The following MGAM variants were observed in gnomAD, a reference collection of about 807,000 sequenced individuals.
MGAM encodes the protein maltase-glucoamylase.
MGAM carries 253 observed loss-of-function variants against 358.8 expected under a neutral mutation model. The observed-to-expected ratio is 0.71, with a 90% confidence interval of 0.64 to 0.78. The LOEUF (loss-of-function observed/expected upper bound fraction) is 0.78, where lower values mean the gene tolerates loss of function less well. Among genes scored for constraint, MGAM ranks in the 30% least tolerant of loss-of-function variants. The probability of loss-of-function intolerance (pLI) is 0.00; values close to 1 mark genes in which losing one functional copy is unlikely to be tolerated. For synonymous variants in MGAM, 1,105 were observed against 1,227.1 expected (o/e 0.90, Z 2.08); for missense variants, 3,080 against 3,432.6 (o/e 0.90, Z 2.57).
chr7:142,059,310 G>A (rs1350762963), intron 31 of MGAM, among the ~76,000 whole-genome samples, 162 bp from the exon 32 acceptor site: 1 of 152,124 alleles, frequency 6.6e-6, no homozygotes, highest in African/African-American at 2.4e-5. Context: ...TAAAAATTAA[G>A]TGTATTTCCC....
intron 21 of MGAM, among the ~76,000 whole-genome samples, chr7:142,045,906 A>G (rs1208993095): frequency 1.1e-5 from 1 of 88,414 alleles, no homozygotes; most frequent in African/African-American, 4.0e-5. Context: ...TATACATACA[A>G]TATGTAATAT....
chr7:142,033,229 A>T (rs1554464473), intron 14 of MGAM, among the ~76,000 whole-genome samples: 1 of 152,200 alleles, frequency 6.6e-6, no homozygotes, highest in Non-Finnish European at 1.5e-5. Flanking sequence ...ATGCACCCAC[A>T]GGCCAGGGTT....
At chr7:142,017,940 T>C (rs533300416) in intron 3 of MGAM, among the ~76,000 whole-genome samples, 2 of 152,346 alleles carry the variant, frequency 1.3e-5, no homozygotes, top group South Asian at 2.1e-4. Context: ...GCCTTCTCAA[T>C]AGCTGAGTAA....
rs776774087 is a variant in MGAM at position 142,054,783 on chromosome 7, A to G, written c.3189A>G (p.Glu1063=). The G allele has an allele frequency of 6.2e-7, 1 of 1,613,890 alleles. No homozygotes were observed. Among genetic ancestry groups the G allele is most frequent in the East Asian group, 2.2e-5 (1 of 44,880 alleles). ...ATGATCCCAACAAGAATCGGTATGA[A>G]GTTCCAGTCCCTCTGAACATACCCA... ...KIYDPNKNRY[E]VPVPLNIPSM... is the part of the protein sequence containing the mutation. The change falls in exon 27 of 71, where the codon GAA becomes GAG. Residue 1063 remains glutamate (E), a synonymous_variant. Coordinates refer to ENST00000475668, the MANE Select transcript of MGAM (RefSeq NM_001365693.1).
chr7:142,034,703 C>T lies in MGAM; in HGVS notation c.1821C>T (p.Ser607=). The change falls in exon 16 of 71, where the codon AGC becomes AGT. Residue 607 remains serine, a synonymous_variant. Coordinates refer to ENST00000475668, the MANE Select transcript of MGAM (RefSeq NM_001365693.1). ...AGACTGTGTTCCCTAATAAGAGAAG[C>T]TTCATTCTGACCCGTTCTACCTTTG... The part of the protein sequence containing the change: ...AAKTVFPNKR[S]FILTRSTFAG... The T allele has an allele frequency of 1.2e-6, 2 of 1,613,534 alleles. No homozygotes were observed. Among genetic ancestry groups the T allele is most frequent in the Non-Finnish European group, 1.7e-6 (2 of 1,179,622 alleles).
intron 9 of MGAM, 56 bp downstream of exon 9, chr7:142,027,283 A>T (rs1028114843): frequency 2.9e-6 from 4 of 1,380,608 alleles, no homozygotes; most frequent in Non-Finnish European, 4.1e-6. Context: ...CAAATATTTT[A>T]AAAAAGTAAA....
rs745567095 is a variant in MGAM, at chr7:142,040,804, A to G, written c.2456A>G (p.Tyr819Cys). 2.9e-5 allele frequency: 46 copies of G among 1,613,098 alleles called. No individual in the cohort carries two copies. The South Asian group carries it at 4.9e-4, about 17-fold the overall frequency. ...DKIGLHLRGGYIFPTQQPNTT... is the reference protein window; with the variant it reads ...DKIGLHLRGGCIFPTQQPNTT... Reference sequence around the variant, plus strand: ...ATTGGACTTCACCTTCGAGGAGGCTACATCTTCCCCACACAGCAGCCAAAT... The same window carrying G: ...ATTGGACTTCACCTTCGAGGAGGCTGCATCTTCCCCACACAGCAGCCAAAT... Residue 819 changes from tyrosine (Y) to cysteine (C), a missense_variant, in exon 21 of 71, where the codon TAC (tyrosine) becomes TGC (cysteine). Physicochemically the swap from Tyr to Cys is radical, Grantham distance 194. This residue lies in a region of MGAM where 1,816 missense variants were observed against 1,840.5 expected (regional missense o/e 0.99). Coordinates refer to ENST00000475668, the MANE Select transcript of MGAM (RefSeq NM_001365693.1).
At chr7:142,035,889 G>A (rs1053200751) in intron 16 of MGAM, among the ~76,000 whole-genome samples, 1 of 152,130 alleles carries the variant, frequency 6.6e-6, no homozygotes, top group Non-Finnish European at 1.5e-5. Context: ...TTTATGTAAA[G>A]TGTATTACTT....
At chr7:142,086,815 G>T in intron 57 of MGAM, 98 bp downstream of exon 57, 1 of 581,586 alleles carries the variant, frequency 1.7e-6, no homozygotes, top group South Asian at 2.3e-5. Flanking sequence ...ACATGGGCTT[G>T]GCAAGGGAGA....
intron 18 of MGAM, among the ~76,000 whole-genome samples, chr7:142,037,786 C>T (rs2129009125): frequency 6.6e-6 from 1 of 152,046 alleles, no homozygotes; most frequent in East Asian, 1.9e-4. Context: ...ATAGTAGTTG[C>T]ATATATTTAT....
chr7:142,095,481 A>C (rs3936103), intron 63 of MGAM, 84 bp from the exon 64 acceptor site: 750,203 of 1,579,224 alleles, frequency 0.48, 184,495 homozygotes, highest in East Asian at 0.62. Context: ...AGTGATCTTC[A>C]ATTGGAGTAT....
At chr7:142,054,468 A>T (rs1464010099) in intron 26 of MGAM, among the ~76,000 whole-genome samples, 4 of 152,178 alleles carry the variant, frequency 2.6e-5, no homozygotes, top group Non-Finnish European at 4.4e-5. Context: ...CACAGAAAAT[A>T]ACAAGTAACA....
intron 21 of MGAM, among the ~76,000 whole-genome samples, chr7:142,044,013 A>G (rs1322526548): frequency 1.5e-5 from 2 of 134,904 alleles, no homozygotes; most frequent in East Asian, 4.2e-4. Context: ...GACGTATAAT[A>G]TATACATTAT....
chr7:142,045,882 A>G lies in MGAM; in HGVS notation c.2499-1903A>G, dbSNP rs1275828953. ...ATATTATATATACATACAATATGTA[A>G]TATATATATTATGTATACATACAAT... On this transcript the variant is annotated intron_variant, in intron 21 of 70. Coordinates refer to ENST00000475668, the MANE Select transcript of MGAM (RefSeq NM_001365693.1). 1.8e-5 allele frequency among the ~76,000 whole-genome samples: 2 copies of G among 108,876 alleles called. 1 individual carries two copies. Among genetic ancestry groups the G allele is most frequent in the Non-Finnish European group, 3.5e-5 (2 of 57,824 alleles). 71.4% of individuals were successfully genotyped at this position (108,876 alleles called of 152,430 possible).
At chr7:142,038,482 C>G (rs1009305999) in intron 18 of MGAM, 49 bp from the exon 19 acceptor site, 2 of 1,408,878 alleles carry the variant, frequency 1.4e-6, no homozygotes, top group Non-Finnish European at 9.8e-7. Flanking sequence ...TGCTACAAAT[C>G]TCATTGGCAG....
In MGAM at chr7:142,018,764, A is replaced by G. The variant is rs979715560; in HGVS notation, c.328-435A>G. 1.7e-4 allele frequency among the ~76,000 whole-genome samples: 26 copies of G among 152,340 alleles called. 1 individual carries two copies. In the South Asian group the frequency reaches 3.9e-3, roughly 23 times the overall value. ...TAATCCATATAAATGTAAGGCATAT[A>G]TTTAAAAGTCAAAACAACATTAGTT... On this transcript the variant is annotated intron_variant, in intron 3 of 70. Coordinates refer to ENST00000475668, the MANE Select transcript of MGAM (RefSeq NM_001365693.1).
chr7:142,103,187 C>T (rs1585120518), intron 69 of MGAM, 82 bp from the exon 70 acceptor site: 1 of 1,153,254 alleles, frequency 8.7e-7, no homozygotes, highest in Non-Finnish European at 1.2e-6. Context: ...TACTTTATGA[C>T]CTACATTTGT....
rs781881177 is a variant in MGAM, at chr7:142,024,413, GGAA to G, written c.883-636_883-634del. Among the ~76,000 whole-genome samples, 9 of 85,004 alleles carry G rather than the reference GGAA, an allele frequency of 1.1e-4. No homozygotes were observed. The East Asian group carries it at 3.0e-3, about 29-fold the overall frequency. The allele number at this position is 85,004 out of a possible 152,430, so 55.8% of individuals were successfully genotyped here. A position where few individuals can be genotyped will look rare whatever the true frequency, so the allele number is the denominator to read the frequency against. On this transcript the variant is annotated intron_variant, in intron 7 of 70. Transcript: ENST00000475668. ...TGGGCGACAGAGTGAGACCCTGTCTGGAAAAAAAAAAAAAAAAATCTGCATTTA... is the reference window on the plus strand; with the variant it reads ...TGGGCGACAGAGTGAGACCCTGTCTGAAAAAAAAAAAAAAATCTGCATTTA...
At chr7:142,034,918 A>G (rs1465332879) in intron 16 of MGAM, 77 bp downstream of exon 16, 1 of 1,412,146 alleles carries the variant, frequency 7.1e-7, no homozygotes, top group Admixed American at 2.0e-5. Context: ...CAAACCACAA[A>G]GCTCCCCTCT....
Sources: allele counts gnomAD v4.1 joint callset (sites outside exome capture counted in the v4.1 genomes callset), GRCh38; gene constraint gnomAD v4.1.1; regional missense constraint gnomAD v4.1.1; transcripts MANE v1.5; gene names NCBI Gene and HGNC (gene_info 2026-07-23, HGNC 2026-07-21).